The following NPHP1 variants were observed in gnomAD, a reference collection of about 807,000 sequenced individuals.
NPHP1 encodes nephrocystin-1.
Under a neutral mutation model 90.4 loss-of-function variants are expected in NPHP1, and 70 were observed. The observed-to-expected ratio is 0.77, with a 90% confidence interval of 0.64 to 0.95. The LOEUF (loss-of-function observed/expected upper bound fraction) is 0.95, where lower values mean the gene tolerates loss of function less well. Ranked by LOEUF, NPHP1 falls within the 40% of genes least tolerant of loss-of-function variation. NPHP1 has a pLI of 0.00. For synonymous variants in NPHP1, 256 were observed against 271.7 expected (o/e 0.94, Z 0.57); for missense variants, 764 against 795.9 (o/e 0.96, Z 0.48).
At chr2:110,130,184 A>G (rs1304909535) in intron 17 of NPHP1, among the ~76,000 whole-genome samples, 2 of 152,166 alleles carry the variant, frequency 1.3e-5, no homozygotes, top group Non-Finnish European at 2.9e-5. Context: ...ACTTTTCAAT[A>G]CCATTACATT....
rs750904140 is a variant in NPHP1 at position 110,204,983 on chromosome 2, T to C, written c.-15A>G. 1.9e-6 allele frequency: 3 copies of C among 1,613,574 alleles called. No individual in the cohort carries two copies. Among genetic ancestry groups the C allele is most frequent in the South Asian group, 1.1e-5 (1 of 91,066 alleles). The stretch of plus-strand genomic sequence containing the variant: ...CTCGCCAGCATCTCCCTGGCTGCGG[T>C]GCTCTGATTGCTCCAGTTGCCAGGG... On this transcript the variant is annotated 5_prime_UTR_variant, in exon 1 of 20. Transcript: ENST00000445609.
At chr2:110,144,215 G>C in intron 15 of NPHP1, 1 of 446,364 alleles carries the variant, frequency 2.2e-6, no homozygotes, top group East Asian at 4.5e-5. Context: ...GGCAGTCTCT[G>C]TATTAGTCAC....
At chr2:110,195,514 C>G (rs182622412) in intron 2 of NPHP1, among the ~76,000 whole-genome samples, 1,552 of 152,220 alleles carry the variant, frequency 0.01, 23 homozygotes, top group African/African-American at 0.036. Flanking sequence ...AGGATACAAA[C>G]AAATGGAAGA....
At chr2:110,141,379 G>T (rs890141857) in intron 16 of NPHP1, among the ~76,000 whole-genome samples, 1 of 151,810 alleles carries the variant, frequency 6.6e-6, no homozygotes, top group African/African-American at 2.4e-5. Flanking sequence ...ACCTTTATGG[G>T]GTTGATATTA....
At chr2:110,198,829 G>C (rs1313678554) in intron 2 of NPHP1, among the ~76,000 whole-genome samples, 1 of 152,048 alleles carries the variant, frequency 6.6e-6, no homozygotes, top group Non-Finnish European at 1.5e-5. Flanking sequence ...AAGCCCATGA[G>C]AGCTCTCTGG....
At chr2:110,184,483 C>A in intron 2 of NPHP1, 2 of 864,974 alleles carry the variant, frequency 2.3e-6, no homozygotes, top group Non-Finnish European at 1.9e-6. Context: ...TCCATGTAAG[C>A]TGTGCTCAGC....
At chr2:110,139,424 T>C (rs1462627911) in intron 16 of NPHP1, among the ~76,000 whole-genome samples, 1 of 152,194 alleles carries the variant, frequency 6.6e-6, no homozygotes, top group African/African-American at 2.4e-5. Flanking sequence ...CTATTTGCTC[T>C]CTTTTTCTTA....
intron 16 of NPHP1, among the ~76,000 whole-genome samples, chr2:110,140,215 C>G (rs1471616723): frequency 6.6e-6 from 1 of 152,094 alleles, no homozygotes; most frequent in Non-Finnish European, 1.5e-5. Flanking sequence ...ACTCAAGTCT[C>G]TCTGTGGAAG....
intron 16 of NPHP1, among the ~76,000 whole-genome samples, chr2:110,137,767 T>C (rs1398908092): frequency 1.9e-4 from 28 of 151,230 alleles, no homozygotes; most frequent in Admixed American, 2.0e-4. Flanking sequence ...GTCAGTGTGG[T>C]GATTCCTCAG....
chr2:110,147,332 C>T (rs1681131627), intron 13 of NPHP1, among the ~76,000 whole-genome samples: 1 of 151,942 alleles, frequency 6.6e-6, no homozygotes, highest in African/African-American at 2.4e-5. Context: ...GATGAATTTG[C>T]CTTAAACAAA....
intron 11 of NPHP1, among the ~76,000 whole-genome samples, chr2:110,154,567 T>C (rs1681746031): frequency 6.6e-6 from 1 of 152,124 alleles, no homozygotes; most frequent in South Asian, 2.1e-4. Flanking sequence ...GATAGTGATA[T>C]GAACAATAAG....
chr2:110,204,944 G>T lies in NPHP1; in HGVS notation c.25C>A (p.Pro9Thr), dbSNP rs1161685316. Reference sequence around the variant, plus strand: ...TTGCGGCGCCGCAGGGCCTGGAGAGGATCTCGCTGTCGTCTCGCCAGCATC... The same window carrying T: ...TTGCGGCGCCGCAGGGCCTGGAGAGTATCTCGCTGTCGTCTCGCCAGCATC... MLARRQRD[P>T]LQALRRRNQE... Residue 9 changes from proline to threonine, a missense_variant, in exon 1 of 20, where the codon CCT becomes ACT. By Grantham distance (38) the Pro-to-Thr change is conservative. Transcript: ENST00000445609. The T allele has an allele frequency of 3.1e-6, 5 of 1,613,932 alleles. No individual in the cohort carries two copies. The highest frequency in any genetic ancestry group is 2.2e-5 in the East Asian group (1 of 44,884).
chr2:110,161,547 G>C, intron 10 of NPHP1, 56 bp downstream of exon 10: 1 of 1,126,064 alleles, frequency 8.9e-7, no homozygotes, highest in South Asian at 1.4e-5. Context: ...TTGTCTAATT[G>C]CAACTATGAC....
At chr2:110,191,526 G>A (rs1299709874) in intron 2 of NPHP1, among the ~76,000 whole-genome samples, 2 of 152,168 alleles carry the variant, frequency 1.3e-5, no homozygotes, top group Non-Finnish European at 2.9e-5. Flanking sequence ...AAACTGGGTG[G>A]AGCCCACCGC....
chr2:110,179,456 T>G (rs1364896945), intron 3 of NPHP1, among the ~76,000 whole-genome samples, 168 bp downstream of exon 3: 1 of 152,154 alleles, frequency 6.6e-6, no homozygotes, highest in East Asian at 1.9e-4. Flanking sequence ...TTTGCTTTGC[T>G]CCCAAGCACA....
intron 18 of NPHP1, chr2:110,127,931 T>C (rs1367715520): frequency 6.6e-6 from 1 of 152,156 alleles, no homozygotes; most frequent in Non-Finnish European, 1.5e-5. Context: ...TCAGTGTATA[T>C]ATGTTCTGTG....
chr2:110,127,212 G>A (rs1679431738), intron 18 of NPHP1: 1 of 152,152 alleles, frequency 6.6e-6, no homozygotes, highest in South Asian at 2.1e-4. Context: ...TGTTCCAGAT[G>A]GTGCTGTGAG....
intron 18 of NPHP1, 80 bp downstream of exon 18, chr2:110,129,106 C>T (rs111532194): frequency 1.5e-6 from 1 of 668,024 alleles, no homozygotes. Context: ...AAAAAAAAGG[C>T]CTAGACAGAA....
chr2:110,165,190 C>T (rs1169290403), intron 6 of NPHP1, 35 bp from the exon 7 acceptor site: 1 of 1,523,626 alleles, frequency 6.6e-7, no homozygotes, highest in Non-Finnish European at 9.1e-7. Flanking sequence ...TGCTTTTTAA[C>T]TAATGCAAAA....
Sources: gnomAD v4.1 joint callset for allele counts (sites outside exome capture counted in the v4.1 genomes callset) on GRCh38, gnomAD v4.1.1 for gene constraint, MANE v1.5 for transcripts, NCBI Gene and HGNC (gene_info 2026-07-23, HGNC 2026-07-21) for gene names.